The following LGR4 variants were observed in gnomAD, a reference collection of about 807,000 sequenced individuals.
LGR4 encodes leucine rich repeat containing G protein-coupled receptor 4.
In LGR4, 44 loss-of-function variants were observed where a neutral mutation model predicts 84.8. That is an observed-to-expected ratio of 0.52 (90% CI 0.41 to 0.67). LGR4 has a LOEUF of 0.67. Among genes scored for constraint, LGR4 ranks in the 30% least tolerant of loss-of-function variants. LGR4 has a pLI of 0.00. For synonymous variants in LGR4, 429 were observed against 434.3 expected (o/e 0.99, Z 0.15); for missense variants, 1,032 against 1,131.4 (o/e 0.91, Z 1.26).
chr11:27,461,683 T>C (rs933460931), intron 1 of LGR4, among the ~76,000 whole-genome samples: 1 of 151,922 alleles, frequency 6.6e-6, no homozygotes, highest in African/African-American at 2.4e-5. Context: ...ATATTTTATG[T>C]GTGGCCAAAG....
intron 4 of LGR4, among the ~76,000 whole-genome samples, chr11:27,386,750 T>C (rs909325218): frequency 9.2e-5 from 14 of 152,082 alleles, no homozygotes; most frequent in Admixed American, 8.5e-4. Context: ...TCCTGGTGAG[T>C]ATCTGATGGA....
intron 1 of LGR4, among the ~76,000 whole-genome samples, chr11:27,440,803 C>T (rs921615005): frequency 1.7e-4 from 26 of 152,228 alleles, no homozygotes; most frequent in Non-Finnish European, 3.5e-4. Context: ...ACTAGCAGCA[C>T]CAATATCACC....
chr11:27,448,313 CAG>C (rs1170040889), intron 1 of LGR4, among the ~76,000 whole-genome samples: 3 of 140,194 alleles, frequency 2.1e-5, no homozygotes, highest in Admixed American at 1.5e-4. Context: ...TTTTTTGAGA[CAG>C]AGTTTTTGCT....
intron 1 of LGR4, among the ~76,000 whole-genome samples, chr11:27,434,036 TG>T (rs1289572082): frequency 2.0e-5 from 3 of 152,214 alleles, no homozygotes; most frequent in Non-Finnish European, 4.4e-5. Context: ...ACCTCAGGGC[TG>T]GGAAGATTGG....
chr11:27,401,873 CACACTG>C, intron 2 of LGR4, among the ~76,000 whole-genome samples: 1 of 152,288 alleles, frequency 6.6e-6, no homozygotes, highest in South Asian at 2.1e-4. Flanking sequence ...GGGATAAGTA[CACACTG>C]ACACACTTGA....
chr11:27,418,874 C>T (rs1200975470), intron 1 of LGR4, among the ~76,000 whole-genome samples: 1 of 145,468 alleles, frequency 6.9e-6, no homozygotes, highest in Admixed American at 7.1e-5. Flanking sequence ...CACTTTGTTG[C>T]CCCAGGCTAG....
At chr11:27,391,276 T>TG (rs551947186) in intron 3 of LGR4, 111 bp from the exon 4 acceptor site, 9,574 of 566,986 alleles carry the variant, frequency 0.017, 153 homozygotes, top group Non-Finnish European at 0.023. Flanking sequence ...AATGGGAAAA[T>TG]GGGGGGGAGG....
At chr11:27,388,361 G>T (rs1014234949) in intron 4 of LGR4, among the ~76,000 whole-genome samples, 1 of 152,106 alleles carries the variant, frequency 6.6e-6, no homozygotes, top group African/African-American at 2.4e-5. Flanking sequence ...AACAGATGAA[G>T]AAAATACTAT....
At chr11:27,458,261 C>T (rs559350872) in intron 1 of LGR4, among the ~76,000 whole-genome samples, 1 of 152,226 alleles carries the variant, frequency 6.6e-6, no homozygotes, top group East Asian at 1.9e-4. Flanking sequence ...TATATGGCAT[C>T]CTAATAAAGG....
At chr11:27,382,625 A>C (rs1863117850) in intron 6 of LGR4, among the ~76,000 whole-genome samples, 1 of 152,194 alleles carries the variant, frequency 6.6e-6, no homozygotes. Flanking sequence ...ACAGCGTGAA[A>C]CTGAGGTTTC....
chr11:27,422,728 C>A (rs1350313745), intron 1 of LGR4, among the ~76,000 whole-genome samples: 1 of 152,136 alleles, frequency 6.6e-6, no homozygotes, highest in Admixed American at 6.5e-5. Context: ...TTCCTAGTAC[C>A]ACAAGCTTGG....
intron 1 of LGR4, among the ~76,000 whole-genome samples, chr11:27,424,255 T>C (rs915316177): frequency 2.0e-5 from 3 of 151,966 alleles, no homozygotes; most frequent in Non-Finnish European, 4.4e-5. Context: ...TTAAAGAATA[T>C]AAGGCCAAGC....
chr11:27,372,322 C>G lies in LGR4; in HGVS notation c.1456G>C (p.Asp486His). The G allele has an allele frequency of 6.2e-7, 1 of 1,613,640 alleles. No individual in the cohort carries two copies. The highest frequency in any genetic ancestry group is 8.5e-7 in the Non-Finnish European group (1 of 1,179,574). ...ACACTGTGGTCCTGGAGGCTGTTAT[C>G]TTCTGTGTTTAAATTTGCATAAGAG... is the stretch of plus-strand genomic sequence containing the variant. Reference protein sequence around the residue: ...CDSYANLNTEDNSLQDHSVAQ... With the variant: ...CDSYANLNTEHNSLQDHSVAQ... The change falls in exon 16 of 18, where the codon GAT becomes CAT. Residue 486 changes from aspartate (D) to histidine (H), a missense_variant. Physicochemically the swap from Asp to His is moderately conservative, Grantham distance 81. Coordinates refer to ENST00000379214, the MANE Select transcript of LGR4 (RefSeq NM_018490.5).
intron 6 of LGR4, among the ~76,000 whole-genome samples, chr11:27,384,061 A>G (rs986289808): frequency 6.6e-6 from 1 of 152,150 alleles, no homozygotes; most frequent in African/African-American, 2.4e-5. Flanking sequence ...AACAAAACCA[A>G]CATTTCTGGA....
intron 4 of LGR4, among the ~76,000 whole-genome samples, chr11:27,390,450 A>G (rs1863262329): frequency 6.6e-6 from 1 of 152,118 alleles, no homozygotes; most frequent in Non-Finnish European, 1.5e-5. Flanking sequence ...GAAAACCAGC[A>G]TTACTTCTAG....
chr11:27,418,727 G>A (rs1048075734), intron 1 of LGR4, among the ~76,000 whole-genome samples: 1 of 151,820 alleles, frequency 6.6e-6, no homozygotes, highest in Non-Finnish European at 1.5e-5. Flanking sequence ...GGAAAGGCTA[G>A]AGAAAATGTC....
At chr11:27,381,594 A>T (rs1295955519) in intron 7 of LGR4, among the ~76,000 whole-genome samples, 2 of 152,098 alleles carry the variant, frequency 1.3e-5, no homozygotes, top group Admixed American at 1.3e-4. Context: ...AGATGGGAGG[A>T]TCACCTGAGC....
chr11:27,390,655 T>A (rs987672141), intron 4 of LGR4, among the ~76,000 whole-genome samples: 1 of 152,200 alleles, frequency 6.6e-6, no homozygotes, highest in African/African-American at 2.4e-5. Flanking sequence ...TTTTGAAGAA[T>A]ACTTTTTCAT....
chr11:27,372,252 G>T, intron 16 of LGR4, 31 bp downstream of exon 16: 3 of 1,169,556 alleles, frequency 2.6e-6, no homozygotes, highest in South Asian at 1.2e-5. Flanking sequence ...CCTTAAAGGA[G>T]TGTTCTATTT....
Sources: allele counts gnomAD v4.1 joint callset (sites outside exome capture counted in the v4.1 genomes callset), GRCh38; gene constraint gnomAD v4.1.1; transcripts MANE v1.5; gene names NCBI Gene and HGNC (gene_info 2026-07-23, HGNC 2026-07-21).